Variants in EIF4G3 observed in about 807,000 individuals in gnomAD.
The protein encoded by EIF4G3 is eIF-4-gamma 3.
EIF4G3 carries 34 observed loss-of-function variants against 186.4 expected under a neutral mutation model. The ratio of observed to expected loss-of-function variants is 0.18; its 90% CI spans 0.14 to 0.24. EIF4G3 has a LOEUF of 0.24. EIF4G3 is among the 10% of genes least tolerant of loss of function. The pLI, the probability that EIF4G3 is intolerant of heterozygous loss-of-function variation, is 1.00. For missense variants in EIF4G3, 1,536 were observed against 1,948.5 expected (o/e 0.79, Z 3.99); for synonymous variants, 673 against 679.5 (o/e 0.99, Z 0.15).
At chr1:20,808,377 T>C (rs954735528) in intron 36 of EIF4G3, among the ~76,000 whole-genome samples, 1 of 152,022 alleles carries the variant, frequency 6.6e-6, no homozygotes, top group African/African-American at 2.4e-5. Flanking sequence ...TTCCTTGTAA[T>C]GTTGTTTTAA....
intron 12 of EIF4G3, among the ~76,000 whole-genome samples, chr1:20,957,577 A>G (rs1017360452): frequency 6.6e-5 from 10 of 151,918 alleles, no homozygotes; most frequent in African/African-American, 2.4e-4. Context: ...TGAAATTCAA[A>G]CAAACAAACA....
chr1:21,059,049 A>G (rs183666208), intron 3 of EIF4G3, among the ~76,000 whole-genome samples: 193 of 152,268 alleles, frequency 1.3e-3, no homozygotes, highest in African/African-American at 4.4e-3. Context: ...ATCAGTTACT[A>G]AAAGAATAAC....
chr1:20,931,970 C>T (rs1323134288), intron 14 of EIF4G3, among the ~76,000 whole-genome samples: 2 of 151,768 alleles, frequency 1.3e-5, no homozygotes, highest in Admixed American at 6.6e-5. Context: ...TAACATAAGG[C>T]GGTTTCATCT....
chr1:21,004,364 T>C (rs1200797730), intron 4 of EIF4G3, among the ~76,000 whole-genome samples: 3 of 152,212 alleles, frequency 2.0e-5, no homozygotes, highest in Admixed American at 6.5e-5. Context: ...TACTGTGTGC[T>C]ACTGAATAAA....
chr1:20,972,806 T>C (rs554345184), intron 11 of EIF4G3, among the ~76,000 whole-genome samples, 196 bp downstream of exon 11: 10 of 151,978 alleles, frequency 6.6e-5, no homozygotes, highest in Admixed American at 5.9e-4. Context: ...GATGATATTA[T>C]GCAAATGGTA....
intron 19 of EIF4G3, among the ~76,000 whole-genome samples, chr1:20,880,948 T>C (rs1489810437): frequency 6.6e-6 from 1 of 152,130 alleles, no homozygotes; most frequent in African/African-American, 2.4e-5. Context: ...TGTTTTTTGT[T>C]TTGGGTAGAA....
intron 30 of EIF4G3, among the ~76,000 whole-genome samples, chr1:20,838,199 C>G (rs1174141004): frequency 6.6e-6 from 1 of 152,084 alleles, no homozygotes; most frequent in African/African-American, 2.4e-5. Flanking sequence ...TCTGAGATAT[C>G]CGAGAGACTA....
At chr1:20,819,620 T>A (rs2061827546) in intron 33 of EIF4G3, among the ~76,000 whole-genome samples, 1 of 151,880 alleles carries the variant, frequency 6.6e-6, no homozygotes, top group Non-Finnish European at 1.5e-5. Context: ...CACTTATAGG[T>A]GGGAGCTAAA....
At chr1:21,088,330 G>T (rs1378606453) in intron 3 of EIF4G3, among the ~76,000 whole-genome samples, 1 of 151,964 alleles carries the variant, frequency 6.6e-6, no homozygotes, top group Non-Finnish European at 1.5e-5. Context: ...TGAGGCAGTA[G>T]AATCACTTGA....
In EIF4G3 at chr1:21,000,713, T is replaced by C. The variant is rs187332238; in HGVS notation, c.144+486A>G. ...CTAGTCTTGCACTTGTTTTAGGGTA[T>C]GTAATGGAATGTTATGTGTGTGATT... On this transcript the variant is annotated intron_variant, in intron 6 of 36. Transcript: ENST00000602326. Among the ~76,000 whole-genome samples, 271 of 152,158 alleles carry C rather than the reference T, an allele frequency of 1.8e-3. 2 individuals carry two copies. Among genetic ancestry groups the C allele is most frequent in the Non-Finnish European group, 3.4e-3 (228 of 68,000 alleles).
At chr1:21,101,082 G>A (rs1044604565) in intron 2 of EIF4G3, among the ~76,000 whole-genome samples, 2 of 151,968 alleles carry the variant, frequency 1.3e-5, no homozygotes, top group South Asian at 2.1e-4. Context: ...ATTTAGTTAC[G>A]GTACCTAGAA....
Position 20,825,196 on chromosome 1 carries a change from G to A in EIF4G3, c.4272C>T (p.Ser1424=). 1.9e-6 allele frequency: 3 copies of A among 1,588,060 alleles called. No homozygotes were observed. The highest frequency in any genetic ancestry group is 1.4e-5 in the African/African-American group (1 of 72,918). The part of the protein sequence containing the change: ...EILHLLCKQM[S]HKKVGALWRE... ...TCCATAAGGCTCCCACTTTCTTATG[G>A]CTCTAAAATAGAGATAAATCCAATC... Residue 1424 remains serine (S), a splice_region_variant and synonymous_variant, in exon 33 of 37, where the codon AGC becomes AGT. Transcript: ENST00000602326.
intron 26 of EIF4G3, among the ~76,000 whole-genome samples, chr1:20,854,494 G>A (rs1281044444): frequency 4.1e-5 from 6 of 147,686 alleles, no homozygotes; most frequent in Non-Finnish European, 8.9e-5. Context: ...ACGAGTGCAA[G>A]ACTAGCCTAG....
intron 3 of EIF4G3, among the ~76,000 whole-genome samples, chr1:21,074,431 A>G (rs1368197981): frequency 2.0e-5 from 3 of 152,226 alleles, no homozygotes; most frequent in Non-Finnish European, 4.4e-5. Context: ...AACATTATGA[A>G]AATATCTAAA....
intron 30 of EIF4G3, among the ~76,000 whole-genome samples, chr1:20,835,506 A>G (rs2066475507): frequency 6.6e-6 from 1 of 152,172 alleles, no homozygotes; most frequent in Non-Finnish European, 1.5e-5. Flanking sequence ...GAAAAGACAG[A>G]AGACTCAAAA....
intron 16 of EIF4G3, among the ~76,000 whole-genome samples, chr1:20,899,309 T>A (rs1375018750): frequency 6.6e-6 from 1 of 152,226 alleles, no homozygotes; most frequent in Non-Finnish European, 1.5e-5. Flanking sequence ...ACAGAGTGAT[T>A]TCTGTCAACA....
In EIF4G3 at chr1:20,996,865, T is replaced by G. The variant is rs1301677840; in HGVS notation, c.177+736A>C. ...AGCTCTTTCAGCAGAAGAAAATGTT[T>G]CAGAATACCCCATAAAAAGCTACTG... On this transcript the variant is annotated intron_variant, in intron 7 of 36. Coordinates refer to ENST00000602326, the MANE Select transcript of EIF4G3 (RefSeq NM_001391906.1). Among the ~76,000 whole-genome samples the G allele has an allele frequency of 3.3e-5, 5 of 152,148 alleles. No homozygotes were observed. The East Asian group carries it at 9.6e-4, about 29-fold the overall frequency.
At chr1:21,063,160 C>T (rs757677709) in intron 3 of EIF4G3, among the ~76,000 whole-genome samples, 16 of 152,044 alleles carry the variant, frequency 1.1e-4, no homozygotes, top group Admixed American at 2.0e-4. Flanking sequence ...CTCAATCAAT[C>T]CTCTCACCTC....
chr1:20,825,258 A>G (rs1571162210), intron 32 of EIF4G3, 60 bp from the exon 33 acceptor site: 2 of 1,204,468 alleles, frequency 1.7e-6, no homozygotes, highest in East Asian at 4.9e-5. Flanking sequence ...ACAGAAAAAA[A>G]AAAAAAAAAA....
Sources: gnomAD v4.1 joint callset for allele counts (sites outside exome capture counted in the v4.1 genomes callset) on GRCh38, gnomAD v4.1.1 for gene constraint, MANE v1.5 for transcripts, NCBI Gene and HGNC (gene_info 2026-07-23, HGNC 2026-07-21) for gene names.